Variants in MGAT5B observed in about 807,000 individuals in gnomAD.
MGAT5B encodes N-acetylglucosaminyl-transferase Vb.
In MGAT5B, 54 loss-of-function variants were observed where a neutral mutation model predicts 95.1. That is an observed-to-expected ratio of 0.57 (90% CI 0.46 to 0.71). The LOEUF (loss-of-function observed/expected upper bound fraction) is 0.71, where lower values mean the gene tolerates loss of function less well. MGAT5B is among the 30% of genes least tolerant of loss of function. The probability of loss-of-function intolerance (pLI) is 0.00; values close to 1 mark genes in which losing one functional copy is unlikely to be tolerated. For synonymous variants in MGAT5B, 464 were observed against 451.0 expected, an observed-to-expected ratio of 1.03 and a Z score of -0.36; for missense variants, 935 against 1,088.6, an observed-to-expected ratio of 0.86 and a Z score of 1.99.
At chr17:76,923,590 C>T (rs947059623) in intron 8 of MGAT5B, among the ~76,000 whole-genome samples, 1 of 152,168 alleles carries the variant, frequency 6.6e-6, no homozygotes, top group Non-Finnish European at 1.5e-5. Flanking sequence ...CCCTGCCCAT[C>T]CCTCCACCAA....
intron 2 of MGAT5B, 81 bp downstream of exon 2, chr17:76,873,044 T>C (rs1967064427): frequency 7.9e-6 from 12 of 1,511,446 alleles, no homozygotes; most frequent in East Asian, 2.3e-5. Flanking sequence ...AGCCTAGCCC[T>C]GTACCTGGCT....
intron 5 of MGAT5B, among the ~76,000 whole-genome samples, chr17:76,903,584 C>T (rs1373693489): frequency 6.6e-6 from 1 of 152,206 alleles, no homozygotes; most frequent in African/African-American, 2.4e-5. Context: ...GATTAAATCT[C>T]CAAGTGTCAC....
rs182358110 is a variant in MGAT5B, at chr17:76,872,935, G to T, written c.153G>T (p.Gly51=). The T allele has an allele frequency of 6.2e-7, 1 of 1,614,126 alleles. No homozygotes were observed. Among genetic ancestry groups the T allele is most frequent in the African/African-American group, 1.3e-5 (1 of 75,066 alleles). ...GCCAGTTCTCGGCCCGGCGCCTGGG[G>T]GACTCGCCATTCACCATCCGCACAG... ...LGGQFSARRL[G]DSPFTIRTEV... Residue 51 remains glycine (G), a synonymous_variant, in exon 2 of 18, where the codon GGG becomes GGT. Transcript: ENST00000569840.
chr17:76,918,445 G>A lies in MGAT5B; in HGVS notation c.1026-6521G>A, dbSNP rs67777977. Reference sequence around the variant, plus strand: ...AGGGCAGGGCCATCCCAGTGACTGCGTAAAGCAACTCTGGGCTGCTTCTGT... The same window carrying A: ...AGGGCAGGGCCATCCCAGTGACTGCATAAAGCAACTCTGGGCTGCTTCTGT... On this transcript the variant is annotated intron_variant, in intron 8 of 17. Transcript: ENST00000569840. The surrounding 1 kb of genome is among the most constrained non-coding windows in gnomAD (Gnocchi z 5.1). Among the ~76,000 whole-genome samples, 56,907 of 151,814 alleles carry A rather than the reference G, an allele frequency of 0.37. 12,130 individuals carry two copies. The highest frequency in any genetic ancestry group is 0.7 in the East Asian group (3,578 of 5,142).
chr17:76,945,855 C>T (rs894579972), intron 15 of MGAT5B, among the ~76,000 whole-genome samples: 8 of 152,188 alleles, frequency 5.3e-5, no homozygotes, highest in Non-Finnish European at 1.2e-4. Context: ...TAGTCCCCAC[C>T]CTCAAGGTGT....
At chr17:76,881,094 C>T (rs1052347766) in intron 2 of MGAT5B, among the ~76,000 whole-genome samples, 82 of 152,088 alleles carry the variant, frequency 5.4e-4, no homozygotes, top group African/African-American at 1.8e-3. Flanking sequence ...GAGCCCAGCA[C>T]CCTATGGACT....
intron 3 of MGAT5B, among the ~76,000 whole-genome samples, chr17:76,894,635 C>T (rs1392827129): frequency 6.6e-6 from 1 of 152,070 alleles, no homozygotes; most frequent in Non-Finnish European, 1.5e-5. Context: ...GCAGGTGGAT[C>T]ACAAGATCAG....
intron 15 of MGAT5B, chr17:76,944,346 T>G (rs1174127802): frequency 6.6e-6 from 1 of 152,244 alleles, no homozygotes; most frequent in Non-Finnish European, 1.5e-5. Context: ...ACTCAGAGAT[T>G]TGCTGTCACG....
At position 76,906,893 on chromosome 17, in the gene MGAT5B, A is replaced by T. The variant is rs975436809; in HGVS notation, c.1025+706A>T. On this transcript the variant is annotated intron_variant, in intron 8 of 17. Transcript: ENST00000569840. The surrounding 1 kb of genome is among the most constrained non-coding windows in gnomAD (Gnocchi z 4.6). ...GATGCATACAAAGTCTATGTAAAGTATGTTGTGAAACACAACAGTCAAATC... is the reference window on the plus strand; with the variant it reads ...GATGCATACAAAGTCTATGTAAAGTTTGTTGTGAAACACAACAGTCAAATC... Among the ~76,000 whole-genome samples, 1 of 152,096 alleles carries T rather than the reference A, an allele frequency of 6.6e-6. No individual in the cohort carries two copies. Among genetic ancestry groups the T allele is most frequent in the African/African-American group, 2.4e-5 (1 of 41,396 alleles).
At chr17:76,933,259 C>T in intron 11 of MGAT5B, 33 bp from the exon 12 acceptor site, 1 of 1,598,304 alleles carries the variant, frequency 6.3e-7, no homozygotes, top group South Asian at 1.1e-5. Context: ...GTCTCTCTCT[C>T]TGTTCCTTGT....
At chr17:76,922,101 G>GACT (rs1353978101) in intron 8 of MGAT5B, among the ~76,000 whole-genome samples, 1 of 152,196 alleles carries the variant, frequency 6.6e-6, no homozygotes, top group Non-Finnish European at 1.5e-5. Context: ...TGGTGTCTGG[G>GACT]ACTAGGGTCA....
intron 13 of MGAT5B, among the ~76,000 whole-genome samples, chr17:76,939,029 G>GTGTGTGTGTGTGT (rs1555600423): frequency 1.6e-5 from 2 of 128,190 alleles, no homozygotes; most frequent in African/African-American, 6.2e-5. Context: ...GCATCTTGGG[G>GTGTGTGTGTGTGT]GTGTGTGTGT....
At chr17:76,874,855 G>C (rs1691002365) in intron 2 of MGAT5B, among the ~76,000 whole-genome samples, 1 of 152,080 alleles carries the variant, frequency 6.6e-6, no homozygotes, top group Admixed American at 6.5e-5. Flanking sequence ...TGCAGGTCTG[G>C]GTCTAAAGAT....
intron 8 of MGAT5B, among the ~76,000 whole-genome samples, chr17:76,921,670 C>T (rs565398322): frequency 6.6e-6 from 1 of 152,284 alleles, no homozygotes; most frequent in East Asian, 1.9e-4. Context: ...GGGGCTGCAG[C>T]TGTTGCTTCC....
chr17:76,874,396 T>C (rs1967111795), intron 2 of MGAT5B, among the ~76,000 whole-genome samples: 1 of 151,388 alleles, frequency 6.6e-6, no homozygotes, highest in Non-Finnish European at 1.5e-5. Context: ...AGGCTGAGGA[T>C]TGAGGTGGGT....
chr17:76,888,762 T>C (rs1034557138), intron 3 of MGAT5B, among the ~76,000 whole-genome samples: 2 of 152,094 alleles, frequency 1.3e-5, no homozygotes, highest in Non-Finnish European at 2.9e-5. Flanking sequence ...GAGGAAGTAG[T>C]GACCTGCCAC....
rs1327507017 is a variant in MGAT5B, at chr17:76,905,321, G to A, written c.843G>A (p.Arg281=). 1 of 1,591,978 alleles carries A rather than the reference G, an allele frequency of 6.3e-7. No homozygotes were observed. Among genetic ancestry groups the A allele is most frequent in the Non-Finnish European group, 8.6e-7 (1 of 1,164,822 alleles). Residue 281 remains arginine, a synonymous_variant, in exon 7 of 18, where the codon AGG becomes AGA. Coordinates refer to ENST00000569840, the MANE Select transcript of MGAT5B (RefSeq NM_001199172.2). The surrounding 1 kb of genome is among the most constrained non-coding windows in gnomAD (Gnocchi z 4.2). ...CACAGAAGCTGGGGGCCACCCAGAG[G>A]GACCAGAAGCAGGTGCGTGGCCCCT... ...RLAQKLGATQ[R]DQKQILVHIG...
At chr17:76,927,291 C>T (rs1598978359) in intron 10 of MGAT5B, among the ~76,000 whole-genome samples, 1 of 152,106 alleles carries the variant, frequency 6.6e-6, no homozygotes, top group African/African-American at 2.4e-5. Flanking sequence ...GGTTGCAGTG[C>T]AGTGGTGTGA....
intron 2 of MGAT5B, among the ~76,000 whole-genome samples, chr17:76,873,728 C>T (rs1040320301): frequency 2.3e-4 from 35 of 152,198 alleles, no homozygotes; most frequent in African/African-American, 8.4e-4. Flanking sequence ...GAACTGAGCC[C>T]TGCTCACTGT....
Sources: allele counts gnomAD v4.1 joint callset (sites outside exome capture counted in the v4.1 genomes callset), GRCh38; gene constraint gnomAD v4.1.1; non-coding constraint Gnocchi (gnomAD v3.1); transcripts MANE v1.5; gene names NCBI Gene and HGNC (gene_info 2026-07-23, HGNC 2026-07-21).